PODXL2: variants seen among roughly 807,000 people sequenced by gnomAD.
PODXL2 encodes podocalyxin like 2, also known as podocalyxin-like protein 2.
A neutral mutation model predicts 53.4 loss-of-function variants in PODXL2; 17 were observed. That is an observed-to-expected ratio of 0.32 (90% CI 0.22 to 0.48). The LOEUF (loss-of-function observed/expected upper bound fraction) is 0.48, where lower values mean the gene tolerates loss of function less well. PODXL2 is among the 20% of genes least tolerant of loss of function. The probability of loss-of-function intolerance (pLI) is 0.99; values close to 1 mark genes in which losing one functional copy is unlikely to be tolerated. For synonymous variants in PODXL2, 311 were observed against 306.7 expected, an observed-to-expected ratio of 1.01 and a Z score of -0.15; for missense variants, 673 against 760.0, an observed-to-expected ratio of 0.89 and a Z score of 1.35.
chr3:127,671,028 A>G (rs1182895640), intron 6 of PODXL2, among the ~76,000 whole-genome samples: 1 of 152,126 alleles, frequency 6.6e-6, no homozygotes, highest in South Asian at 2.1e-4. Flanking sequence ...AAGCGGTTGT[A>G]TGGTGGAGGA....
rs765694303 is a variant in PODXL2 at position 127,661,177 on chromosome 3, C to T, written c.1131+18C>T. On this transcript the variant is annotated intron_variant, in intron 3 of 7. Transcript: ENST00000342480. ...CTACGCAGGTAAAGTGAGGGGCATG[C>T]GGGCCACCACCCTGTACCTTCTTCA... 34 of 1,579,334 alleles carry T rather than the reference C, an allele frequency of 2.2e-5. No individual in the cohort carries two copies. Among genetic ancestry groups the T allele is most frequent in the East Asian group, 4.5e-5 (2 of 44,666 alleles).
At position 127,660,969 on chromosome 3, in the gene PODXL2, C is replaced by T; in HGVS notation, c.941C>T (p.Ala314Val). 2 of 1,614,258 alleles carry T rather than the reference C, an allele frequency of 1.2e-6. No homozygotes were observed. Among genetic ancestry groups the T allele is most frequent in the Non-Finnish European group, 1.7e-6 (2 of 1,180,054 alleles). Residue 314 changes from alanine (A) to valine (V), a missense_variant, in exon 3 of 8, where the codon GCT (alanine) becomes GTT (valine). Ala to Val is a moderately conservative substitution (Grantham distance 64, BLOSUM62 0). This residue lies in a region of PODXL2 where 588 missense variants were observed against 668.3 expected (regional missense o/e 0.88). Coordinates refer to ENST00000342480, the MANE Select transcript of PODXL2 (RefSeq NM_015720.4). ...TTGCCTTCATTCCCTCAAACCACAG[C>T]TCCCAGTGGGGCCGAGCACCCAGAT... ...PALPSFPQTT[A>V]PSGAEHPDED...
intron 1 of PODXL2, among the ~76,000 whole-genome samples, chr3:127,631,791 T>A (rs1362780131): frequency 6.6e-6 from 1 of 152,212 alleles, no homozygotes; most frequent in Admixed American, 6.5e-5. Flanking sequence ...TGCCAAGGCC[T>A]TTGAAAATAT....
chr3:127,643,264 G>A lies in PODXL2; in HGVS notation c.349+3741G>A, dbSNP rs142784845. 3.7e-3 allele frequency among the ~76,000 whole-genome samples: 565 copies of A among 152,268 alleles called. 3 individuals are homozygous for A. Among genetic ancestry groups the A allele is most frequent in the African/African-American group, 0.011 (477 of 41,556 alleles). ...TTGCTCTAGTCACCCAGGCTGGAGTGCAATGGTGTGATCTCAGCTCACTGC... is the reference window on the plus strand; with the variant it reads ...TTGCTCTAGTCACCCAGGCTGGAGTACAATGGTGTGATCTCAGCTCACTGC... On this transcript the variant is annotated intron_variant, in intron 2 of 7. Transcript: ENST00000342480.
At chr3:127,632,063 A>G (rs954893729) in intron 1 of PODXL2, among the ~76,000 whole-genome samples, 2 of 152,240 alleles carry the variant, frequency 1.3e-5, no homozygotes, top group African/African-American at 2.4e-5. Flanking sequence ...CACTGGAGCC[A>G]TGGAAATGAC....
chr3:127,639,508 C>G lies in PODXL2; in HGVS notation c.334C>G (p.Leu112Val), dbSNP rs1232261463. Reference protein sequence around the residue: ...EEELNDSSLDLGPTADYVFPD... With the variant: ...EEELNDSSLDVGPTADYVFPD... ...AGAGCTGAATGACTCAAGTCTGGAC[C>G]TGGGACCCACTGCAGGTAGCTCTTC... The change falls in exon 2 of 8, where the codon CTG becomes GTG. Residue 112 changes from leucine to valine, a missense_variant. By Grantham distance (32) the Leu-to-Val change is conservative. Coordinates refer to ENST00000342480, the MANE Select transcript of PODXL2 (RefSeq NM_015720.4). 2.5e-6 allele frequency: 4 copies of G among 1,612,568 alleles called. No homozygotes were observed. Among genetic ancestry groups the G allele is most frequent in the Non-Finnish European group, 3.4e-6 (4 of 1,179,076 alleles).
chr3:127,658,406 C>CTTTTTT (rs60979669), intron 2 of PODXL2, among the ~76,000 whole-genome samples: 155 of 87,292 alleles, frequency 1.8e-3, no homozygotes, highest in African/African-American at 2.3e-3. Flanking sequence ...TTTCCCATGT[C>CTTTTTT]TTTTTTTTTT....
At chr3:127,652,943 G>T (rs973783998) in intron 2 of PODXL2, among the ~76,000 whole-genome samples, 1 of 152,038 alleles carries the variant, frequency 6.6e-6, no homozygotes, top group African/African-American at 2.4e-5. Context: ...AGGCTGGGAG[G>T]GCAGGTAGCC....
intron 5 of PODXL2, 115 bp downstream of exon 5, chr3:127,668,712 C>T: frequency 2.8e-6 from 3 of 1,057,502 alleles, no homozygotes; most frequent in South Asian, 4.2e-5. Flanking sequence ...AACTCCAGGA[C>T]AGTAGTTTGA....
In PODXL2 at chr3:127,672,260, C is replaced by T. The variant is rs2074852586; in HGVS notation, c.1606-8C>T. 6.5e-7 allele frequency: 1 copy of T among 1,541,602 alleles called. No individual in the cohort carries two copies. Among genetic ancestry groups the T allele is most frequent in the Non-Finnish European group, 8.7e-7 (1 of 1,146,332 alleles). On this transcript the variant is annotated splice_polypyrimidine_tract_variant and splice_region_variant and intron_variant, in intron 7 of 7. Coordinates refer to ENST00000342480, the MANE Select transcript of PODXL2 (RefSeq NM_015720.4). ...GCTCGCCCATGGCCTCTCCCCACCCCGCCTCAGTCGCACGGCGAGGAGCTG... is the reference window on the plus strand; with the variant it reads ...GCTCGCCCATGGCCTCTCCCCACCCTGCCTCAGTCGCACGGCGAGGAGCTG...
intron 7 of PODXL2, among the ~76,000 whole-genome samples, chr3:127,671,995 T>A (rs779829983): frequency 6.6e-6 from 1 of 152,202 alleles, no homozygotes; most frequent in Non-Finnish European, 1.5e-5. Flanking sequence ...AGCAGAGCCC[T>A]AGCGATGCTC....
chr3:127,639,517 A>C lies in PODXL2; in HGVS notation c.343A>C (p.Thr115Pro), dbSNP rs764555602. The C allele has an allele frequency of 6.2e-7, 1 of 1,611,324 alleles. No individual in the cohort carries two copies. Among genetic ancestry groups the C allele is most frequent in the Non-Finnish European group, 8.5e-7 (1 of 1,178,410 alleles). Reference protein sequence around the residue: ...LNDSSLDLGPTADYVFPDLTE... With the variant: ...LNDSSLDLGPPADYVFPDLTE... ...TGACTCAAGTCTGGACCTGGGACCCACTGCAGGTAGCTCTTCTTACCTACA... is the reference window on the plus strand; with the variant it reads ...TGACTCAAGTCTGGACCTGGGACCCCCTGCAGGTAGCTCTTCTTACCTACA... Residue 115 changes from threonine (T) to proline (P), a missense_variant, in exon 2 of 8, where the codon ACT becomes CCT. By Grantham distance (38) the Thr-to-Pro change is conservative. Coordinates refer to ENST00000342480, the MANE Select transcript of PODXL2 (RefSeq NM_015720.4).
intron 2 of PODXL2, among the ~76,000 whole-genome samples, chr3:127,651,441 G>A (rs1361569732): frequency 6.6e-6 from 1 of 152,248 alleles, no homozygotes; most frequent in African/African-American, 2.4e-5. Context: ...GCTAGCAGGT[G>A]CTGCTCACTT....
Position 127,661,271 on chromosome 3 carries a change from C to T in PODXL2, c.1131+112C>T. On this transcript the variant is annotated intron_variant, in intron 3 of 7. Transcript: ENST00000342480. ...ATCTGCCAGGTTGAGGAGGGAGGCC[C>T]TTTCCACAGCACGTAGAACCCCATG... 7 of 752,330 alleles carry T rather than the reference C, an allele frequency of 9.3e-6. No homozygotes were observed. In the South Asian group the frequency reaches 1.2e-4, roughly 13 times the overall value. 46.6% of individuals were successfully genotyped at this position (752,330 alleles called of 1,614,324 possible). A position where few individuals can be genotyped will look rare whatever the true frequency, so the allele number is the denominator to read the frequency against.
At position 127,629,901 on chromosome 3, in the gene PODXL2, G is replaced by A. The variant is rs936302937; in HGVS notation, c.70+612G>A. Among the ~76,000 whole-genome samples the A allele has an allele frequency of 6.6e-6, 1 of 152,176 alleles. No homozygotes were observed. The highest frequency in any genetic ancestry group is 2.4e-5 in the African/African-American group (1 of 41,436). ...GGGCGTACAGCCACGGAAGGCCCGTGACAGCACACGGCGGGAGGCTCCCAC... is the reference window on the plus strand; with the variant it reads ...GGGCGTACAGCCACGGAAGGCCCGTAACAGCACACGGCGGGAGGCTCCCAC... On this transcript the variant is annotated intron_variant, in intron 1 of 7. Transcript: ENST00000342480. This position sits in a 1 kb window ranked among gnomAD's most constrained non-coding sequence, Gnocchi z 6.4.
chr3:127,668,349 T>G, intron 4 of PODXL2, 92 bp from the exon 5 acceptor site: 2 of 1,162,974 alleles, frequency 1.7e-6, no homozygotes, highest in Non-Finnish European at 2.3e-6. Flanking sequence ...GCCAGAGGGT[T>G]GAGGGTGAGT....
intron 1 of PODXL2, among the ~76,000 whole-genome samples, chr3:127,634,744 AAAAT>A (rs1014276375): frequency 1.3e-5 from 2 of 152,108 alleles, no homozygotes; most frequent in African/African-American, 4.8e-5. Context: ...ATAAAAATAA[AAAAT>A]AAATAAAAAG....
In PODXL2 at chr3:127,668,421, G is replaced by A; in HGVS notation, c.1207-20G>A. On this transcript the variant is annotated intron_variant, in intron 4 of 7. Coordinates refer to ENST00000342480, the MANE Select transcript of PODXL2 (RefSeq NM_015720.4). Reference sequence around the variant, plus strand: ...CCCCTTTCCTTCACTGAACACGGGGGGCTCTTTCTGCCCTTGTAGGAGGTG... The same window carrying A: ...CCCCTTTCCTTCACTGAACACGGGGAGCTCTTTCTGCCCTTGTAGGAGGTG... 1 of 1,513,844 alleles carries A rather than the reference G, an allele frequency of 6.6e-7. No homozygotes were observed. Among genetic ancestry groups the A allele is most frequent in the Non-Finnish European group, 8.9e-7 (1 of 1,128,918 alleles). The allele number at this position is 1,513,844 out of a possible 1,614,324, so 93.8% of individuals were successfully genotyped here.
At chr3:127,639,615 T>G in intron 2 of PODXL2, 92 bp downstream of exon 2, 309 of 1,171,018 alleles carry the variant, frequency 2.6e-4, no homozygotes, top group Middle Eastern at 4.3e-4. Context: ...GAAGCATCTC[T>G]TCTCTCTCCC....
Sources: gnomAD v4.1 joint callset for allele counts (sites outside exome capture counted in the v4.1 genomes callset) on GRCh38, gnomAD v4.1.1 for gene constraint, gnomAD v4.1.1 regional missense constraint, Gnocchi (gnomAD v3.1) non-coding constraint, MANE v1.5 for transcripts, NCBI Gene and HGNC (gene_info 2026-07-23, HGNC 2026-07-21) for gene names.